Variants in CHSY3 observed in about 807,000 individuals in gnomAD.
CHSY3 encodes the protein chondroitin sulfate synthase 3.
CHSY3 carries 35 observed loss-of-function variants against 67.2 expected under a neutral mutation model. The observed-to-expected ratio is 0.52, with a 90% CI of 0.40 to 0.69. The LOEUF (loss-of-function observed/expected upper bound fraction) is 0.69. Among genes scored for constraint, CHSY3 ranks in the 30% least tolerant of loss-of-function variants. The probability of loss-of-function intolerance (pLI) is 0.00; values close to 1 mark genes in which losing one functional copy is unlikely to be tolerated. For missense variants in CHSY3, 1,069 were observed against 1,138.5 expected (o/e 0.94, Z 0.88); for synonymous variants, 474 against 434.7 (o/e 1.09, Z -1.12).
At chr5:129,913,946 A>G (rs1489105610) in intron 2 of CHSY3, among the ~76,000 whole-genome samples, 8 of 152,298 alleles carry the variant, frequency 5.3e-5, no homozygotes, top group African/African-American at 1.4e-4. Flanking sequence ...TCACAAAAGG[A>G]TATGTTCTGG....
In CHSY3 at chr5:129,931,473, T is replaced by G. The variant is rs76320214; in HGVS notation, c.1086+23113T>G. The stretch of plus-strand genomic sequence containing the variant: ...AGCTGAATGCTATAGATATTTGATC[T>G]ATAGATATTTGAATAGATGTGTATA... On this transcript the variant is annotated intron_variant, in intron 2 of 2. Transcript: ENST00000305031. Among the ~76,000 whole-genome samples, 1,512 of 152,308 alleles carry G rather than the reference T, an allele frequency of 9.9e-3. 26 individuals are homozygous for G. The highest frequency in any genetic ancestry group is 0.035 in the African/African-American group (1,448 of 41,556).
intron 2 of CHSY3, among the ~76,000 whole-genome samples, chr5:130,078,594 T>C (rs1187508300): frequency 6.6e-6 from 1 of 152,202 alleles, no homozygotes; most frequent in African/African-American, 2.4e-5. Context: ...TATTTGTATT[T>C]ATTGCTCTAA....
At chr5:129,978,403 G>A (rs552650459) in intron 2 of CHSY3, among the ~76,000 whole-genome samples, 11 of 152,106 alleles carry the variant, frequency 7.2e-5, no homozygotes, top group Admixed American at 6.5e-4. Context: ...TCCTTAAGTT[G>A]GAGATGTACA....
At chr5:129,941,152 GC>G (rs1354005643) in intron 2 of CHSY3, among the ~76,000 whole-genome samples, 1 of 152,120 alleles carries the variant, frequency 6.6e-6, no homozygotes, top group African/African-American at 2.4e-5. Context: ...GATTGCATGA[GC>G]CCAGAGGTCA....
chr5:130,102,117 C>T (rs952331416), intron 2 of CHSY3, among the ~76,000 whole-genome samples: 2 of 151,954 alleles, frequency 1.3e-5, no homozygotes, highest in African/African-American at 4.8e-5. Context: ...AGTTTAAATC[C>T]GAATATATTA....
intron 2 of CHSY3, among the ~76,000 whole-genome samples, chr5:130,092,152 A>G (rs1766901759): frequency 6.6e-6 from 1 of 152,148 alleles, no homozygotes. Flanking sequence ...ACTGCAGCAG[A>G]CAGCTCCAGG....
chr5:130,080,037 TACACACACAC>T (rs35994744), intron 2 of CHSY3, among the ~76,000 whole-genome samples: 260 of 143,418 alleles, frequency 1.8e-3, no homozygotes, highest in African/African-American at 6.2e-3. Context: ...CACCTGAACA[TACACACACAC>T]ACACACACAC....
chr5:130,180,638 A>C (rs1770216683), intron 2 of CHSY3, among the ~76,000 whole-genome samples: 1 of 152,094 alleles, frequency 6.6e-6, no homozygotes, highest in Non-Finnish European at 1.5e-5. Flanking sequence ...GGATCACTTG[A>C]GCCAAAGAGT....
Position 129,904,892 on chromosome 5 carries a change from C to A in CHSY3, c.63C>A (p.Thr21=). Residue 21 remains threonine, a synonymous_variant, in exon 1 of 3, where the codon ACC becomes ACA. Transcript: ENST00000305031. ...SVALGLVLGF[T]AASWLIAPRV... is the part of the protein sequence containing the mutation. Reference sequence around the variant, plus strand: ...CATTAGGGCTGGTGCTGGGCTTCACCGCCGCGTCCTGGCTCATCGCCCCCA... The same window carrying A: ...CATTAGGGCTGGTGCTGGGCTTCACAGCCGCGTCCTGGCTCATCGCCCCCA... 6.6e-7 allele frequency: 1 copy of A among 1,524,578 alleles called. No individual in the cohort carries two copies. 94.4% of individuals were successfully genotyped at this position (1,524,578 alleles called of 1,614,324 possible). A position where few individuals can be genotyped will look rare whatever the true frequency, so the allele number is the denominator to read the frequency against.
At chr5:130,065,097 C>T (rs910187958) in intron 2 of CHSY3, among the ~76,000 whole-genome samples, 4 of 152,076 alleles carry the variant, frequency 2.6e-5, no homozygotes, top group East Asian at 1.9e-4. Context: ...TTTGCTACTA[C>T]GGAGCCAACA....
chr5:130,048,809 T>C (rs1765234753), intron 2 of CHSY3, among the ~76,000 whole-genome samples: 1 of 152,080 alleles, frequency 6.6e-6, no homozygotes, highest in Non-Finnish European at 1.5e-5. Context: ...GAGGGTAGAA[T>C]GGTGATTACC....
chr5:129,931,721 A>G (rs756499068), intron 2 of CHSY3, among the ~76,000 whole-genome samples: 3 of 152,110 alleles, frequency 2.0e-5, no homozygotes, highest in Non-Finnish European at 4.4e-5. Flanking sequence ...GTTCTCATGC[A>G]TATAGATTTC....
chr5:130,022,463 T>C (rs1378200280), intron 2 of CHSY3, among the ~76,000 whole-genome samples: 1 of 152,012 alleles, frequency 6.6e-6, no homozygotes, highest in Non-Finnish European at 1.5e-5. Context: ...TAGTAAATTA[T>C]ATATATGGTT....
At chr5:129,907,433 C>A (rs1305246318) in intron 1 of CHSY3, among the ~76,000 whole-genome samples, 2 of 152,078 alleles carry the variant, frequency 1.3e-5, no homozygotes, top group Non-Finnish European at 2.9e-5. Flanking sequence ...CTTGGAATAC[C>A]AAGTGCTTCT....
chr5:129,932,103 CATATATATAT>C (rs33960181), intron 2 of CHSY3, among the ~76,000 whole-genome samples: 164 of 115,012 alleles, frequency 1.4e-3, no homozygotes, highest in Middle Eastern at 4.5e-3. Flanking sequence ...ACCATAAAAC[CATATATATAT>C]ATATATATAT....
Position 129,966,181 on chromosome 5 carries a change from G to T in CHSY3, c.1086+57821G>T, listed in dbSNP as rs761226433. On this transcript the variant is annotated intron_variant, in intron 2 of 2. Transcript: ENST00000305031. The stretch of plus-strand genomic sequence containing the variant: ...TGAAATGTCAAGGAATGTTTGTGTA[G>T]TGGAAGCAAAAGTGTGGAGTATTTT... Among the ~76,000 whole-genome samples the T allele has an allele frequency of 2.3e-4, 35 of 152,040 alleles. No homozygotes were observed. In the Middle Eastern group the frequency reaches 0.031, roughly 133 times the overall value.
intron 2 of CHSY3, among the ~76,000 whole-genome samples, chr5:130,048,010 AAAAG>A (rs756220917): frequency 7.3e-5 from 11 of 151,370 alleles, no homozygotes; most frequent in Non-Finnish European, 1.5e-4. Context: ...TGGCTGTAAA[AAAAG>A]AAGTAAAGAA....
intron 2 of CHSY3, among the ~76,000 whole-genome samples, chr5:130,034,544 C>T (rs894282294): frequency 3.3e-5 from 5 of 152,114 alleles, no homozygotes; most frequent in African/African-American, 1.2e-4. Context: ...ATTTATGGTA[C>T]AGGCCCAGCT....
intron 2 of CHSY3, among the ~76,000 whole-genome samples, chr5:130,144,356 A>C (rs899623173): frequency 6.6e-6 from 1 of 152,084 alleles, no homozygotes; most frequent in East Asian, 1.9e-4. Context: ...AAAAATCAGT[A>C]GCATATCTAA....
Sources: gnomAD v4.1 joint callset for allele counts (sites outside exome capture counted in the v4.1 genomes callset) on GRCh38, gnomAD v4.1.1 for gene constraint, MANE v1.5 for transcripts, NCBI Gene and HGNC (gene_info 2026-07-23, HGNC 2026-07-21) for gene names.